Variants in PRRC1 observed in about 807,000 individuals in gnomAD.
PRRC1 encodes proline rich coiled-coil 1.
A neutral mutation model predicts 40.7 loss-of-function variants in PRRC1; 39 were observed. The ratio of observed to expected loss-of-function variants is 0.96; its 90% CI spans 0.74 to 1.25. The LOEUF is 1.25. Ranked by LOEUF, PRRC1 falls within the 50% of genes most tolerant of loss-of-function variation. PRRC1 has a pLI of 0.00. For synonymous variants in PRRC1, 175 were observed against 193.3 expected, an observed-to-expected ratio of 0.91 and a Z score of 0.79; for missense variants, 573 against 548.3, an observed-to-expected ratio of 1.05 and a Z score of -0.45.
intron 4 of PRRC1, among the ~76,000 whole-genome samples, chr5:127,528,543 C>T (rs1767684953): frequency 1.3e-5 from 2 of 152,184 alleles, no homozygotes; most frequent in South Asian, 4.2e-4. Context: ...TCTCGAACTC[C>T]TGACCTCAGG....
At chr5:127,536,860 G>A (rs375657154) in intron 6 of PRRC1, among the ~76,000 whole-genome samples, 113 of 151,850 alleles carry the variant, frequency 7.4e-4, no homozygotes, top group Non-Finnish European at 1.4e-3. Flanking sequence ...TAAATTTGTC[G>A]GCTTTTTATT....
In PRRC1 at chr5:127,531,328, T is replaced by C. The variant is rs187303126; in HGVS notation, c.757+932T>C. ...CTGTATTGAACTCATGCTCAATTTT[T>C]TTACACTTAGCCACTTTGCTTCCCT... is the stretch of plus-strand genomic sequence containing the variant. On this transcript the variant is annotated intron_variant, in intron 5 of 8. Transcript: ENST00000296666. Among the ~76,000 whole-genome samples, 195 of 152,304 alleles carry C rather than the reference T, an allele frequency of 1.3e-3. 1 individual carries two copies. Among genetic ancestry groups the C allele is most frequent in the South Asian group, 5.8e-3 (28 of 4,830 alleles).
intron 2 of PRRC1, chr5:127,523,812 A>G (rs1337231846): frequency 5.3e-6 from 2 of 380,600 alleles, no homozygotes; most frequent in Admixed American, 4.3e-5. Context: ...TTATGTTCAT[A>G]ATTTTACCAT....
intron 8 of PRRC1, chr5:127,549,161 A>G (rs948762528): frequency 6.6e-6 from 1 of 152,126 alleles, no homozygotes; most frequent in Non-Finnish European, 1.5e-5. Flanking sequence ...GTAACTAAAA[A>G]AAAAAAAATC....
At chr5:127,549,946 G>T (rs1161399483) in intron 8 of PRRC1, 1 of 151,836 alleles carries the variant, frequency 6.6e-6, no homozygotes, top group Non-Finnish European at 1.5e-5. Flanking sequence ...AATATATACT[G>T]GAAAGAAGTA....
rs780296988 is a variant in PRRC1, at chr5:127,530,424, G to A, written c.757+28G>A. 4.5e-6 allele frequency: 7 copies of A among 1,546,510 alleles called. No homozygotes were observed. The East Asian group carries it at 9.0e-5, about 20-fold the overall frequency. ...ATGTACATAAGTTAGACCGGTATCT[G>A]CCATTTTTTTTTTAAGGGTATGTCC... On this transcript the variant is annotated intron_variant, in intron 5 of 8. Coordinates refer to ENST00000296666, the MANE Select transcript of PRRC1 (RefSeq NM_130809.5).
rs139560437 is a variant in PRRC1, at chr5:127,533,271, T to A, written c.758-352T>A. The stretch of plus-strand genomic sequence containing the variant: ...GTGCTTGTTTAGTACATAACTTCTC[T>A]GCAACTCATTGACAAATCACTTACT... On this transcript the variant is annotated intron_variant, in intron 5 of 8. Transcript: ENST00000296666. 5.0e-3 allele frequency among the ~76,000 whole-genome samples: 758 copies of A among 152,328 alleles called. 9 individuals are homozygous for A. In the Middle Eastern group the frequency reaches 0.068, roughly 14 times the overall value.
intron 8 of PRRC1, 76 bp downstream of exon 8, chr5:127,547,997 G>A (rs535479704): frequency 3.4e-5 from 33 of 984,374 alleles, no homozygotes; most frequent in Admixed American, 5.2e-5. Flanking sequence ...AAATTTGTTC[G>A]GTTTTTTTGT....
Position 127,552,284 on chromosome 5 carries a change from T to C in PRRC1, c.*368T>C, listed in dbSNP as rs962411664. 109 of 1,044,682 alleles carry C rather than the reference T, an allele frequency of 1.0e-4. No individual in the cohort carries two copies. The highest frequency in any genetic ancestry group is 1.2e-4 in the Non-Finnish European group (105 of 865,188). The allele number at this position is 1,044,682 out of a possible 1,614,324, so 64.7% of individuals were successfully genotyped here. A position where few individuals can be genotyped will look rare whatever the true frequency, so the allele number is the denominator to read the frequency against. ...AAAGAAGACATTATTAAAGAACATG[T>C]TGGTTGAATGTTTATAAAAGCATGA... is the stretch of plus-strand genomic sequence containing the variant. On this transcript the variant is annotated 3_prime_UTR_variant, in exon 9 of 9. Transcript: ENST00000296666.
intron 2 of PRRC1, chr5:127,523,824 A>C (rs552528877): frequency 4.3e-4 from 153 of 353,188 alleles, no homozygotes; most frequent in African/African-American, 3.0e-3. Flanking sequence ...TTTTACCATC[A>C]TTTATATTAT....
intron 4 of PRRC1, among the ~76,000 whole-genome samples, chr5:127,528,249 A>G (rs1338978996): frequency 6.6e-6 from 1 of 152,078 alleles, no homozygotes; most frequent in Non-Finnish European, 1.5e-5. Flanking sequence ...ACCCTTTTTG[A>G]CAGAAAAGTT....
intron 7 of PRRC1, among the ~76,000 whole-genome samples, chr5:127,540,421 A>G (rs139015598): frequency 2.5e-3 from 375 of 152,240 alleles, no homozygotes; most frequent in African/African-American, 8.6e-3. Context: ...CTCTTAAGAC[A>G]TAACTGGTAA....
At chr5:127,539,014 C>T in intron 6 of PRRC1, 26 bp from the exon 7 acceptor site, 1 of 1,557,558 alleles carries the variant, frequency 6.4e-7, no homozygotes, top group Non-Finnish European at 8.8e-7. Flanking sequence ...TTGAAATGGT[C>T]TCTAACCTCT....
intron 6 of PRRC1, among the ~76,000 whole-genome samples, chr5:127,536,414 A>C (rs1580940486): frequency 6.6e-6 from 1 of 152,100 alleles, no homozygotes; most frequent in East Asian, 1.9e-4. Flanking sequence ...TTTTTACTTG[A>C]AAAACTGGAA....
chr5:127,538,599 GA>G (rs1313857755), intron 6 of PRRC1, among the ~76,000 whole-genome samples: 1 of 151,972 alleles, frequency 6.6e-6, no homozygotes, highest in Non-Finnish European at 1.5e-5. Context: ...AGAAGAAAGA[GA>G]AAAACATATT....
chr5:127,545,361 C>A (rs970800678), intron 7 of PRRC1, among the ~76,000 whole-genome samples: 19 of 151,996 alleles, frequency 1.3e-4, no homozygotes, highest in East Asian at 7.8e-4. Context: ...GGCACTATTC[C>A]CAATAGCAAA....
chr5:127,529,640 C>T (rs233032), intron 4 of PRRC1, among the ~76,000 whole-genome samples: 1 of 151,928 alleles, frequency 6.6e-6, no homozygotes, highest in East Asian at 1.9e-4. Flanking sequence ...GTCTTTTACC[C>T]TTTGTGAAGT....
intron 8 of PRRC1, 159 bp downstream of exon 8, chr5:127,548,080 C>A (rs1245983347): frequency 4.3e-6 from 3 of 691,738 alleles, no homozygotes; most frequent in Admixed American, 4.4e-5. Flanking sequence ...ATTTCCTGAT[C>A]CTTCCATGTT....
chr5:127,522,510 C>G (rs1767486888), intron 1 of PRRC1, among the ~76,000 whole-genome samples: 1 of 152,160 alleles, frequency 6.6e-6, no homozygotes, highest in African/African-American at 2.4e-5. Context: ...CTCACCTCAG[C>G]ATCCTGAGTT....
Sources: gnomAD v4.1 joint callset for allele counts (sites outside exome capture counted in the v4.1 genomes callset) on GRCh38, gnomAD v4.1.1 for gene constraint, MANE v1.5 for transcripts, NCBI Gene and HGNC (gene_info 2026-07-23, HGNC 2026-07-21) for gene names.